The following RGPD2 variants were observed in gnomAD, a reference collection of about 807,000 sequenced individuals.
RGPD2 encodes RANBP2 like and GRIP domain containing 2.
In RGPD2, 2 loss-of-function variants were observed where a neutral mutation model predicts 36.0. The ratio of observed to expected loss-of-function variants is 0.06; its 90% CI spans 0.02 to 0.17. RGPD2 has a LOEUF of 0.17. RGPD2 is among the 10% of genes least tolerant of loss of function. The probability of loss-of-function intolerance (pLI) is 1.00; values close to 1 mark genes in which losing one functional copy is unlikely to be tolerated. For synonymous variants in RGPD2, 19 were observed against 163.8 expected, an observed-to-expected ratio of 0.12 and a Z score of 6.75; for missense variants, 40 against 464.3, an observed-to-expected ratio of 0.09 and a Z score of 8.40.
intron 1 of RGPD2, among the ~76,000 whole-genome samples, chr2:87,824,712 G>GC (rs1558738064): frequency 2.5e-5 from 3 of 120,786 alleles, no homozygotes; most frequent in South Asian, 3.1e-4. Context: ...GGCCGAGGCC[G>GC]AGGCCGCCGC....
chr2:87,937,053 A>C, the RGPD2 span, among the ~76,000 whole-genome samples: 1 of 151,834 alleles, frequency 6.6e-6, no homozygotes, highest in Non-Finnish European at 1.5e-5. Flanking sequence ...TCAGAAAATT[A>C]ATAGTGGAGA....
At position 87,807,505 on chromosome 2, in the gene RGPD2, GC is replaced by G. The variant is rs1686004453; in HGVS notation, c.780-615del. Among the ~76,000 whole-genome samples the G allele has an allele frequency of 2.1e-5, 3 of 146,106 alleles. No homozygotes were observed. In the South Asian group the frequency reaches 6.6e-4, roughly 32 times the overall value. ...AGGTTCAAGTGATTCTCCTGACTCA[GC>G]CTCCTGAGTAGCTGGGATTACAGGC... On this transcript the variant is annotated intron_variant, in intron 6 of 22. Coordinates refer to ENST00000398146, the MANE Select transcript of RGPD2 (RefSeq NM_001078170.3).
chr2:87,840,810 AC>A, the RGPD2 span, among the ~76,000 whole-genome samples: 1 of 147,476 alleles, frequency 6.8e-6, no homozygotes, highest in Non-Finnish European at 1.5e-5. Flanking sequence ...TTTATGCTAT[AC>A]AAATCATAGC....
the RGPD2 span, among the ~76,000 whole-genome samples, chr2:87,894,628 T>A: frequency 1.3e-5 from 2 of 152,148 alleles, no homozygotes; most frequent in South Asian, 4.1e-4. Context: ...TTAGCAAGAT[T>A]AAGTGTGGAC....
chr2:87,961,658 C>T, the RGPD2 span, among the ~76,000 whole-genome samples: 1 of 125,662 alleles, frequency 8.0e-6, no homozygotes, highest in Non-Finnish European at 1.7e-5. Flanking sequence ...GCTGAGATCG[C>T]GCCACTGCAC....
the RGPD2 span, among the ~76,000 whole-genome samples, chr2:87,883,523 C>G: frequency 3.3e-5 from 5 of 151,594 alleles, no homozygotes; most frequent in African/African-American, 1.2e-4. Flanking sequence ...CTTAGTGTAG[C>G]TGAAGGAATG....
the RGPD2 span, among the ~76,000 whole-genome samples, chr2:87,959,054 A>AT: frequency 1.3e-4 from 3 of 23,290 alleles, no homozygotes; most frequent in African/African-American, 2.4e-4. Flanking sequence ...ATATATATAT[A>AT]TATTTTTTTT....
At chr2:87,769,825 TTTC>T (rs1386577447) in intron 22 of RGPD2, among the ~76,000 whole-genome samples, 3 of 151,812 alleles carry the variant, frequency 2.0e-5, no homozygotes, top group Admixed American at 6.6e-5. Context: ...TAGAAGTAGA[TTTC>T]TTCTTTTTTA....
chr2:87,966,224 A>G, the RGPD2 span, among the ~76,000 whole-genome samples: 3 of 152,338 alleles, frequency 2.0e-5, no homozygotes, highest in South Asian at 6.2e-4. Flanking sequence ...AGAGCTGTAT[A>G]TGCCACTGCA....
the RGPD2 span, among the ~76,000 whole-genome samples, chr2:87,966,608 T>C: frequency 6.6e-6 from 1 of 152,210 alleles, no homozygotes; most frequent in African/African-American, 2.4e-5. Context: ...GAATTTCGAG[T>C]CCCCAAATGA....
chr2:87,980,113 A>G, the RGPD2 span, among the ~76,000 whole-genome samples: 48 of 151,608 alleles, frequency 3.2e-4, no homozygotes, highest in African/African-American at 9.5e-4. Flanking sequence ...ACTTTGGGAC[A>G]CCAAGGTCAG....
chr2:87,831,056 A>G, the RGPD2 span, among the ~76,000 whole-genome samples: 9 of 152,254 alleles, frequency 5.9e-5, no homozygotes, highest in Non-Finnish European at 1.0e-4. Flanking sequence ...ATGTTTTTGC[A>G]TGAAACAATG....
intron 1 of RGPD2, 117 bp downstream of exon 1, chr2:87,825,541 G>C (rs1036821977): frequency 4.5e-6 from 2 of 443,512 alleles, no homozygotes; most frequent in East Asian, 3.1e-4. Flanking sequence ...CCGAGGCCGA[G>C]GCCGCCGCCC....
the RGPD2 span, among the ~76,000 whole-genome samples, chr2:87,957,541 G>T: frequency 6.6e-6 from 1 of 151,000 alleles, no homozygotes; most frequent in Non-Finnish European, 1.5e-5. Context: ...TCGTATAATG[G>T]ATGTGGACAA....
chr2:87,879,135 G>A, the RGPD2 span, among the ~76,000 whole-genome samples: 22 of 152,048 alleles, frequency 1.4e-4, no homozygotes, highest in South Asian at 8.3e-4. Context: ...TTCTATTTTC[G>A]TTCTTTTTAA....
the RGPD2 span, among the ~76,000 whole-genome samples, chr2:87,870,614 G>T: frequency 6.6e-6 from 1 of 152,118 alleles, no homozygotes; most frequent in African/African-American, 2.4e-5. Flanking sequence ...TACTCTGTTG[G>T]ACCTGTAAAT....
the RGPD2 span, among the ~76,000 whole-genome samples, chr2:87,830,965 C>T: frequency 6.6e-6 from 1 of 152,084 alleles, no homozygotes; most frequent in African/African-American, 2.4e-5. Flanking sequence ...AGAAAAAGAC[C>T]TACAGCACAT....
the RGPD2 span, among the ~76,000 whole-genome samples, chr2:87,913,553 A>T: frequency 7.3e-5 from 11 of 150,662 alleles, no homozygotes; most frequent in African/African-American, 1.7e-4. Context: ...ATAATAATAA[A>T]AAAATACATT....
chr2:87,966,675 C>T, the RGPD2 span, among the ~76,000 whole-genome samples: 18 of 152,050 alleles, frequency 1.2e-4, no homozygotes, highest in Admixed American at 8.5e-4. Flanking sequence ...CGCCTGTAAT[C>T]GCAGCACTTC....
Sources: allele counts gnomAD v4.1 joint callset (sites outside exome capture counted in the v4.1 genomes callset), GRCh38; gene constraint gnomAD v4.1.1; transcripts MANE v1.5; gene names NCBI Gene and HGNC (gene_info 2026-07-23, HGNC 2026-07-21).